Variants in WDR72 observed in about 807,000 individuals in gnomAD.
The protein encoded by WDR72 is WD repeat domain 72.
WDR72 carries 120 observed loss-of-function variants against 124.2 expected under a neutral mutation model. The observed-to-expected ratio is 0.97, with a 90% CI of 0.83 to 1.12. The LOEUF is 1.12. Among genes scored for constraint, WDR72 ranks in the 50% most tolerant of loss-of-function variants. WDR72 has a pLI of 0.00. For missense variants in WDR72, 1,387 were observed against 1,278.8 expected (o/e 1.08, Z -1.29); for synonymous variants, 452 against 441.7 (o/e 1.02, Z -0.29).
intron 1 of WDR72, among the ~76,000 whole-genome samples, chr15:53,738,744 T>C (rs1244417816): frequency 6.6e-6 from 1 of 152,118 alleles, no homozygotes; most frequent in Admixed American, 6.5e-5. Flanking sequence ...AGTACTGGGA[T>C]TACAGGCACC....
chr15:53,559,579 T>C (rs1335384368), intron 18 of WDR72, among the ~76,000 whole-genome samples: 1 of 151,986 alleles, frequency 6.6e-6, no homozygotes, highest in East Asian at 1.9e-4. Flanking sequence ...TAACAGAAAC[T>C]AGCAATTGTG....
chr15:53,645,744 AT>A (rs2015018886), intron 14 of WDR72, among the ~76,000 whole-genome samples: 1 of 152,206 alleles, frequency 6.6e-6, no homozygotes, highest in South Asian at 2.1e-4. Flanking sequence ...ATATCTAAAT[AT>A]AAAAGGAAAA....
At chr15:53,745,698 T>A (rs1181808500) in intron 1 of WDR72, among the ~76,000 whole-genome samples, 1 of 152,200 alleles carries the variant, frequency 6.6e-6, no homozygotes, top group African/African-American at 2.4e-5. Context: ...GAAATTCAAA[T>A]ATAACTAGGA....
intron 13 of WDR72, among the ~76,000 whole-genome samples, chr15:53,668,675 G>A (rs760598186): frequency 1.9e-4 from 29 of 152,130 alleles, no homozygotes; most frequent in South Asian, 6.2e-4. Flanking sequence ...AGGGCGAGAC[G>A]GGTGGATCAG....
At chr15:53,707,242 A>G (rs2017406235) in intron 9 of WDR72, among the ~76,000 whole-genome samples, 1 of 152,198 alleles carries the variant, frequency 6.6e-6, no homozygotes, top group Non-Finnish European at 1.5e-5. Context: ...GTGATTATTA[A>G]AGGCCACGAT....
In WDR72 at chr15:53,655,259, A is replaced by AAAG. The variant is rs1489415634; in HGVS notation, c.1962+10312_1962+10313insCTT. On this transcript the variant is annotated intron_variant, in intron 14 of 19. Coordinates refer to ENST00000360509, the MANE Select transcript of WDR72 (RefSeq NM_182758.4). Reference sequence around the variant, plus strand: ...AAAAAAAAAAAAAAAAAAAAAAAAAAAGAGATCTTAAAGACAATTTGTTAC... The same window carrying AAAG: ...AAAAAAAAAAAAAAAAAAAAAAAAAAAAGAGAGATCTTAAAGACAATTTGTTAC... Among the ~76,000 whole-genome samples, 83 of 119,510 alleles carry AAAG rather than the reference A, an allele frequency of 6.9e-4. 5 individuals carry two copies. The highest frequency in any genetic ancestry group is 2.7e-3 in the East Asian group (9 of 3,394). 78.4% of individuals were successfully genotyped at this position (119,510 alleles called of 152,430 possible). A position where few individuals can be genotyped will look rare whatever the true frequency, so the allele number is the denominator to read the frequency against.
intron 14 of WDR72, among the ~76,000 whole-genome samples, chr15:53,626,279 G>A (rs1288162824): frequency 6.6e-6 from 1 of 152,232 alleles, no homozygotes; most frequent in Non-Finnish European, 1.5e-5. Flanking sequence ...GGTCACGGAA[G>A]AGAACCGTGG....
chr15:53,702,291 T>C lies in WDR72; in HGVS notation c.1412A>G (p.His471Arg), dbSNP rs377283613. Residue 471 changes from histidine to arginine, a missense_variant, in exon 12 of 20, where the codon CAT becomes CGT. Coordinates refer to ENST00000360509, the MANE Select transcript of WDR72 (RefSeq NM_182758.4). ...TTGGTCTAATTTCGAAGAGAGACCA[T>C]GTGGATAGAGTAATGAAGTGACACT... ...HQSVTSLLYPHGLSSKLDQSW... is the reference protein window; with the variant it reads ...HQSVTSLLYPRGLSSKLDQSW... The C allele has an allele frequency of 1.0e-4, 162 of 1,613,900 alleles. No individual in the cohort carries two copies. Among genetic ancestry groups the C allele is most frequent in the Non-Finnish European group, 1.3e-4 (151 of 1,179,974 alleles).
intron 18 of WDR72, among the ~76,000 whole-genome samples, chr15:53,536,273 A>G (rs1892755868): frequency 6.6e-6 from 1 of 152,212 alleles, no homozygotes; most frequent in Non-Finnish European, 1.5e-5. Flanking sequence ...GCAGCTGTAG[A>G]GAAAGCTAAT....
At chr15:53,532,126 C>A (rs554745682) in intron 18 of WDR72, among the ~76,000 whole-genome samples, 3 of 152,064 alleles carry the variant, frequency 2.0e-5, no homozygotes, top group African/African-American at 7.2e-5. Context: ...GGCTTTTAGA[C>A]AAAAGACAGG....
intron 17 of WDR72, among the ~76,000 whole-genome samples, chr15:53,604,111 A>G (rs1595787460): frequency 6.6e-6 from 1 of 152,098 alleles, no homozygotes; most frequent in South Asian, 2.1e-4. Context: ...CAAAACAGCA[A>G]GGTACTGGTA....
intron 18 of WDR72, among the ~76,000 whole-genome samples, chr15:53,563,485 G>C (rs1205941196): frequency 1.3e-5 from 2 of 151,734 alleles, no homozygotes; most frequent in African/African-American, 4.8e-5. Flanking sequence ...TTTAGGATTG[G>C]GGGTACATGT....
intron 13 of WDR72, among the ~76,000 whole-genome samples, chr15:53,669,544 A>G (rs992678259): frequency 2.0e-5 from 3 of 152,190 alleles, no homozygotes; most frequent in African/African-American, 7.2e-5. Context: ...TCTTTATACT[A>G]AATTTTCTGT....
At chr15:53,521,597 G>A (rs753035248) in intron 19 of WDR72, among the ~76,000 whole-genome samples, 17 of 152,052 alleles carry the variant, frequency 1.1e-4, no homozygotes, top group Admixed American at 2.0e-4. Flanking sequence ...TGATAAACAC[G>A]TTTGTGTGTA....
At chr15:53,709,804 C>T (rs62007986) in intron 9 of WDR72, among the ~76,000 whole-genome samples, 24,223 of 152,150 alleles carry the variant, frequency 0.16, 2,278 homozygotes, top group East Asian at 0.45. Flanking sequence ...GTTTTCACAA[C>T]AAAACCTCAC....
intron 18 of WDR72, among the ~76,000 whole-genome samples, chr15:53,549,455 C>T (rs1893634629): frequency 2.6e-5 from 4 of 152,134 alleles, no homozygotes; most frequent in South Asian, 2.1e-4. Context: ...ATCCTCAAAA[C>T]GACCCTGCCG....
chr15:53,540,015 G>A (rs1224934181), intron 18 of WDR72, among the ~76,000 whole-genome samples: 1 of 152,104 alleles, frequency 6.6e-6, no homozygotes, highest in Admixed American at 6.5e-5. Context: ...GCAAACCAAA[G>A]AGCAATAAAT....
intron 18 of WDR72, among the ~76,000 whole-genome samples, chr15:53,594,905 AT>A (rs900301134): frequency 2.0e-5 from 3 of 152,000 alleles, no homozygotes; most frequent in Non-Finnish European, 4.4e-5. Context: ...AAAATAAGCA[AT>A]TTCTCAAAAA....
chr15:53,522,064 C>A (rs1891830510), intron 19 of WDR72, among the ~76,000 whole-genome samples: 1 of 151,960 alleles, frequency 6.6e-6, no homozygotes, highest in Admixed American at 6.6e-5. Flanking sequence ...AGGCACAGGG[C>A]AGCAGTCCAT....
Sources: allele counts gnomAD v4.1 joint callset (sites outside exome capture counted in the v4.1 genomes callset), GRCh38; gene constraint gnomAD v4.1.1; transcripts MANE v1.5; gene names NCBI Gene and HGNC (gene_info 2026-07-23, HGNC 2026-07-21).